SNX14: variants seen among roughly 807,000 people sequenced by gnomAD.
SNX14 encodes sorting nexin-14.
Under a neutral mutation model 133.8 loss-of-function variants are expected in SNX14, and 93 were observed. That is an observed-to-expected ratio of 0.70 (90% confidence interval 0.59 to 0.83). The LOEUF (loss-of-function observed/expected upper bound fraction) is 0.83, where lower values mean the gene tolerates loss of function less well. Ranked by LOEUF, SNX14 falls within the 40% of genes least tolerant of loss-of-function variation. The pLI is 0.00. For synonymous variants in SNX14, 368 were observed against 365.6 expected (o/e 1.01, Z -0.07); for missense variants, 945 against 1,094.9 (o/e 0.86, Z 1.93).
At chr6:85,508,433 T>A in intron 26 of SNX14, 4 of 926,218 alleles carry the variant, frequency 4.3e-6, no homozygotes, top group Non-Finnish European at 3.9e-6. Context: ...CATCTGTACA[T>A]ACATGTATAG....
At chr6:85,507,594 T>G (rs2127746207) in intron 27 of SNX14, among the ~76,000 whole-genome samples, 1 of 152,192 alleles carries the variant, frequency 6.6e-6, no homozygotes, top group East Asian at 1.9e-4. Flanking sequence ...TGTATTGAGA[T>G]CTCAACAGAA....
At position 85,516,414 on chromosome 6, in the gene SNX14, T is replaced by C. The variant is rs541299905; in HGVS notation, c.2268+1342A>G. On this transcript the variant is annotated intron_variant, in intron 23 of 28. Transcript: ENST00000314673. ...GAAGTAATAAACCTGAAGAATTTTG[T>C]AATTGTTAAAGAAATTAAATTGGTT... is the stretch of plus-strand genomic sequence containing the variant. Among the ~76,000 whole-genome samples the C allele has an allele frequency of 1.1e-4, 16 of 152,282 alleles. 1 individual carries two copies. The highest frequency in any genetic ancestry group is 1.0e-3 in the Admixed American group (16 of 15,290).
intron 21 of SNX14, among the ~76,000 whole-genome samples, chr6:85,520,493 G>T (rs975597793): frequency 4.6e-5 from 7 of 151,712 alleles, no homozygotes; most frequent in African/African-American, 1.7e-4. Context: ...GAGTAGCTGG[G>T]ACTACAGGCG....
rs200507495 is a variant in SNX14 at position 85,526,139 on chromosome 6, T to C, written c.2094A>G (p.Pro698=). The C allele has an allele frequency of 4.8e-5, 76 of 1,577,746 alleles. No individual in the cohort carries two copies. Among genetic ancestry groups the C allele is most frequent in the Middle Eastern group, 1.7e-4 (1 of 5,994 alleles). Residue 698 remains proline, a synonymous_variant, in exon 21 of 29, where the codon CCA becomes CCG. Transcript: ENST00000314673. Reference sequence around the variant, plus strand: ...AAATTGACTTACCAAGATTTACATCTGGTAGTATCTTATCAAGAAATTGTG... The same window carrying C: ...AAATTGACTTACCAAGATTTACATCCGGTAGTATCTTATCAAGAAATTGTG... The part of the protein sequence containing the change: ...GETQFLDKIL[P]DVNLGKIIKS...
At chr6:85,584,584 C>T (rs912413082) in intron 1 of SNX14, among the ~76,000 whole-genome samples, 3 of 152,004 alleles carry the variant, frequency 2.0e-5, no homozygotes, top group Non-Finnish European at 2.9e-5. Flanking sequence ...AAAAAGTGGG[C>T]GAAGGATACA....
At chr6:85,559,008 G>A (rs111769286) in intron 6 of SNX14, among the ~76,000 whole-genome samples, 2,199 of 151,500 alleles carry the variant, frequency 0.015, 48 homozygotes, top group African/African-American at 0.051. Context: ...CAACAGGCCC[G>A]TCTTCCACCA....
At chr6:85,579,203 T>A (rs7745560) in intron 1 of SNX14, among the ~76,000 whole-genome samples, 18,065 of 151,730 alleles carry the variant, frequency 0.12, 1,653 homozygotes, top group African/African-American at 0.26. Context: ...CTGGCCATCA[T>A]CACCCAAGTG....
intron 21 of SNX14, among the ~76,000 whole-genome samples, chr6:85,525,047 A>G (rs539985223): frequency 6.6e-6 from 1 of 152,302 alleles, no homozygotes; most frequent in African/African-American, 2.4e-5. Flanking sequence ...TAGACAAACT[A>G]TAATAAATAA....
At position 85,533,717 on chromosome 6, in the gene SNX14, T is replaced by C. The variant is rs1276562981; in HGVS notation, c.1692A>G (p.Ala564=). 6.2e-7 allele frequency: 1 copy of C among 1,613,940 alleles called. No individual in the cohort carries two copies. The highest frequency in any genetic ancestry group is 1.3e-5 in the African/African-American group (1 of 74,912). The change falls in exon 18 of 29, where the codon GCA becomes GCG. Residue 564 remains alanine, a synonymous_variant. Coordinates refer to ENST00000314673, the MANE Select transcript of SNX14 (RefSeq NM_153816.6). Reference sequence around the variant, plus strand: ...CTACATATGGAATGCTAATTTTCCATGCAGCAAGGTTTCGGGGAGTATTAG... The same window carrying C: ...CTACATATGGAATGCTAATTTTCCACGCAGCAAGGTTTCGGGGAGTATTAG... ...STPNTPRNLA[A]WKISIPYVDF... is the part of the protein sequence containing the mutation.
intron 26 of SNX14, among the ~76,000 whole-genome samples, chr6:85,513,551 TAA>T (rs1773703585): frequency 1.3e-5 from 2 of 152,352 alleles, no homozygotes; most frequent in African/African-American, 4.8e-5. Flanking sequence ...AGTCTGACTA[TAA>T]GTTATTTTTG....
At chr6:85,552,747 A>T (rs1562313189) in intron 7 of SNX14, among the ~76,000 whole-genome samples, 1 of 152,222 alleles carries the variant, frequency 6.6e-6, no homozygotes, top group Non-Finnish European at 1.5e-5. Flanking sequence ...GTAGACCTCA[A>T]GGAGGAATTG....
At chr6:85,534,143 C>A (rs1428669197) in intron 17 of SNX14, among the ~76,000 whole-genome samples, 2 of 152,146 alleles carry the variant, frequency 1.3e-5, no homozygotes, top group East Asian at 3.9e-4. Flanking sequence ...GTAGGCACTG[C>A]TGCCAAATGA....
Position 85,557,995 on chromosome 6 carries a change from T to A in SNX14, c.615A>T (p.Ile205=), listed in dbSNP as rs1291822744. The change falls in exon 7 of 29, where the codon ATA becomes ATT. Residue 205 remains isoleucine, a synonymous_variant. Coordinates refer to ENST00000314673, the MANE Select transcript of SNX14 (RefSeq NM_153816.6). The part of the protein sequence containing the change: ...LKAAMKHIEV[I]VKARQKVKNT... ...TATTACCTTTCTGTCTGGCTTTAAC[T>A]ATCACTTCTATATGCTTCATTGCTG... The A allele has an allele frequency of 1.3e-6, 2 of 1,593,210 alleles. No individual in the cohort carries two copies. Among genetic ancestry groups the A allele is most frequent in the African/African-American group, 2.7e-5 (2 of 74,384 alleles).
rs1369522446 is a variant in SNX14, at chr6:85,505,585, A to AAAT, written c.*379_*381dup. On this transcript the variant is annotated 3_prime_UTR_variant, in exon 29 of 29. Transcript: ENST00000314673. ...AAAAAAAAGGAAAACCAATCTACTA[A>AAAT]AATATATTAACTCTAAGAAAATCAG... is the stretch of plus-strand genomic sequence containing the variant. 5.3e-6 allele frequency: 1 copy of AAAT among 188,260 alleles called. No individual in the cohort carries two copies. Among genetic ancestry groups the AAAT allele is most frequent in the East Asian group, 1.7e-4 (1 of 5,878 alleles). The allele number at this position is 188,260 out of a possible 1,614,324, so 11.7% of individuals were successfully genotyped here.
At chr6:85,509,769 A>G (rs76324221) in intron 26 of SNX14, among the ~76,000 whole-genome samples, 3,161 of 152,252 alleles carry the variant, frequency 0.021, 108 homozygotes, top group African/African-American at 0.071. Flanking sequence ...TGTAACCATC[A>G]TTATAGAGTA....
chr6:85,543,583 A>T (rs1784498878), intron 13 of SNX14, 22 bp downstream of exon 13: 1 of 1,545,808 alleles, frequency 6.5e-7, no homozygotes. Context: ...TAAATAAGTC[A>T]TTCTTATCGT....
intron 4 of SNX14, among the ~76,000 whole-genome samples, chr6:85,570,485 G>A (rs879756284): frequency 6.6e-6 from 1 of 152,018 alleles, no homozygotes; most frequent in Non-Finnish European, 1.5e-5. Flanking sequence ...AAAAGAAACA[G>A]GTGAAATTAA....
intron 23 of SNX14, 83 bp downstream of exon 23, chr6:85,517,673 G>T: frequency 1.4e-6 from 2 of 1,434,836 alleles, no homozygotes; most frequent in Non-Finnish European, 1.9e-6. Flanking sequence ...CATTAACAAA[G>T]TATTCATTCT....
chr6:85,543,490 A>G, intron 13 of SNX14, 115 bp downstream of exon 13: 1 of 1,072,672 alleles, frequency 9.3e-7, no homozygotes, highest in Non-Finnish European at 1.3e-6. Context: ...TCTCATTAGT[A>G]AAATAGAATA....
Sources: allele counts gnomAD v4.1 joint callset (sites outside exome capture counted in the v4.1 genomes callset), GRCh38; gene constraint gnomAD v4.1.1; transcripts MANE v1.5; gene names NCBI Gene and HGNC (gene_info 2026-07-23, HGNC 2026-07-21).